The following ABCG2 variants were observed in gnomAD, a reference collection of about 807,000 sequenced individuals.
ABCG2 encodes the protein broad substrate specificity ATP-binding cassette transporter ABCG2.
ABCG2 carries 80 observed loss-of-function variants against 73.5 expected under a neutral mutation model. The observed-to-expected ratio is 1.09, with a 90% confidence interval of 0.91 to 1.31. The LOEUF is 1.31. Ranked by LOEUF, ABCG2 falls within the 50% of genes most tolerant of loss-of-function variation. The pLI is 0.00. For synonymous variants in ABCG2, 269 were observed against 282.4 expected, an observed-to-expected ratio of 0.95 and a Z score of 0.48; for missense variants, 796 against 786.2, an observed-to-expected ratio of 1.01 and a Z score of -0.15.
upstream of ABCG2, chr4:88,163,707 TG>T: frequency 5.1e-6 from 2 of 393,008 alleles, no homozygotes; most frequent in Admixed American, 2.8e-5. Context: ...AGTGTGTCCC[TG>T]GGGCACTCAG....
At chr4:88,206,052 A>G (rs1390332377) in intron 1 of ABCG2, among the ~76,000 whole-genome samples, 1 of 152,166 alleles carries the variant, frequency 6.6e-6, no homozygotes, top group Non-Finnish European at 1.5e-5. Flanking sequence ...TCTCTAATCC[A>G]ATCTAAACTG....
At chr4:88,094,431 G>T in intron 15 of ABCG2, 146 bp downstream of exon 15, 1 of 629,288 alleles carries the variant, frequency 1.6e-6, no homozygotes, top group Non-Finnish European at 2.8e-6. Context: ...ATGCATTCGC[G>T]CACAACTCAC....
chr4:88,108,518 C>T (rs746930272), intron 9 of ABCG2, among the ~76,000 whole-genome samples: 4 of 151,608 alleles, frequency 2.6e-5, no homozygotes, highest in Non-Finnish European at 4.4e-5. Context: ...GGCGACAGAG[C>T]GATACTGTCT....
At position 88,150,173 on chromosome 4, in the gene ABCG2, C is replaced by T. The variant is rs903502110; in HGVS notation, c.-20+8213G>A. On this transcript the variant is annotated intron_variant, in intron 1 of 15. Coordinates refer to ENST00000237612, the MANE Select transcript of ABCG2 (RefSeq NM_004827.3). The stretch of plus-strand genomic sequence containing the variant: ...CTCTATTAAACATACAAAAATTATC[C>T]GGGTGTGGTGGCGCATACCTGTAAT... Among the ~76,000 whole-genome samples the T allele has an allele frequency of 3.3e-5, 5 of 151,996 alleles. No individual in the cohort carries two copies. In the South Asian group the frequency reaches 6.2e-4, roughly 19 times the overall value.
At chr4:88,221,124 A>G (rs12331057) in intron 1 of ABCG2, among the ~76,000 whole-genome samples, 32,993 of 151,926 alleles carry the variant, frequency 0.22, 4,124 homozygotes, top group Non-Finnish European at 0.29. Context: ...CAAAAATTAG[A>G]CAGGTGTGTT....
intron 1 of ABCG2, among the ~76,000 whole-genome samples, chr4:88,192,480 C>T (rs992316689): frequency 1.3e-4 from 20 of 152,116 alleles, no homozygotes; most frequent in African/African-American, 4.6e-4. Flanking sequence ...AGTGCAGTGG[C>T]GCAATCTCGG....
intron 13 of ABCG2, among the ~76,000 whole-genome samples, chr4:88,097,058 T>C (rs1722032686): frequency 6.6e-6 from 1 of 151,824 alleles, no homozygotes; most frequent in Non-Finnish European, 1.5e-5. Context: ...AAAAAAAAAA[T>C]AAACTAGCAG....
chr4:88,194,111 T>C (rs1728826410), intron 1 of ABCG2, among the ~76,000 whole-genome samples: 1 of 152,190 alleles, frequency 6.6e-6, no homozygotes, highest in Admixed American at 6.5e-5. Flanking sequence ...TCACCTGACA[T>C]TTCATAGAAA....
intron 1 of ABCG2, among the ~76,000 whole-genome samples, chr4:88,202,376 A>ATATATATATATATATATATATATC: frequency 7.8e-6 from 1 of 128,582 alleles, no homozygotes; most frequent in East Asian, 2.6e-4. Context: ...ATATATATAT[A>ATATATATATATATATATATATATC]TGTATATTTT....
chr4:88,202,817 C>T (rs1198916606), intron 1 of ABCG2, among the ~76,000 whole-genome samples: 1 of 152,102 alleles, frequency 6.6e-6, no homozygotes, highest in East Asian at 1.9e-4. Context: ...CTTGATCACA[C>T]CACTGCACTC....
chr4:88,107,088 C>T (rs748045572), intron 10 of ABCG2, 96 bp downstream of exon 10: 6 of 905,814 alleles, frequency 6.6e-6, no homozygotes, highest in African/African-American at 1.7e-5. Context: ...ATGACATTTA[C>T]ACTATACTTG....
intron 1 of ABCG2, among the ~76,000 whole-genome samples, chr4:88,180,949 TACA>T (rs1255185981): frequency 1.3e-5 from 2 of 151,966 alleles, no homozygotes; most frequent in African/African-American, 2.4e-5. Context: ...TGAAAATAAC[TACA>T]ACAACTTTTC....
intron 1 of ABCG2, among the ~76,000 whole-genome samples, chr4:88,201,191 C>T (rs1729149587): frequency 7.0e-6 from 1 of 142,538 alleles, no homozygotes; most frequent in African/African-American, 2.6e-5. Context: ...ATTTATAAGT[C>T]TCCAGTTGCA....
chr4:88,204,020 A>G (rs1005317526), intron 1 of ABCG2, among the ~76,000 whole-genome samples: 4 of 152,146 alleles, frequency 2.6e-5, no homozygotes, highest in African/African-American at 9.6e-5. Flanking sequence ...TTCCTTTTTG[A>G]TCACTTTGCA....
At chr4:88,182,971 G>C (rs1388495511) in intron 1 of ABCG2, among the ~76,000 whole-genome samples, 1 of 151,636 alleles carries the variant, frequency 6.6e-6, no homozygotes, top group African/African-American at 2.4e-5. Flanking sequence ...TGTAGTCCCA[G>C]CTACTCAAGA....
At chr4:88,174,695 G>C (rs1727887726) in intron 1 of ABCG2, among the ~76,000 whole-genome samples, 1 of 152,162 alleles carries the variant, frequency 6.6e-6, no homozygotes, top group Non-Finnish European at 1.5e-5. Context: ...CCCAGCTGAT[G>C]ATAGTTTCTT....
chr4:88,197,107 C>A (rs892222253), intron 1 of ABCG2, among the ~76,000 whole-genome samples: 2 of 151,344 alleles, frequency 1.3e-5, no homozygotes, highest in South Asian at 4.2e-4. Flanking sequence ...AGAATATTAC[C>A]CCCTACCCAC....
intron 5 of ABCG2, among the ~76,000 whole-genome samples, chr4:88,123,311 G>A (rs557326775): frequency 1.3e-5 from 2 of 152,270 alleles, no homozygotes; most frequent in South Asian, 4.1e-4. Context: ...TGGAGAATGA[G>A]TTTGATGAAT....
At chr4:88,100,498 C>G (rs2110186608) in intron 11 of ABCG2, among the ~76,000 whole-genome samples, 2 of 147,380 alleles carry the variant, frequency 1.4e-5, no homozygotes, top group Middle Eastern at 6.9e-3. Flanking sequence ...GCGAGCGAGA[C>G]TCTATGTCAA....
Sources: gnomAD v4.1 joint callset for allele counts (sites outside exome capture counted in the v4.1 genomes callset) on GRCh38, gnomAD v4.1.1 for gene constraint, MANE v1.5 for transcripts, NCBI Gene and HGNC (gene_info 2026-07-23, HGNC 2026-07-21) for gene names.